The following PCDHA5 variants were observed in gnomAD, a reference collection of about 807,000 sequenced individuals.
PCDHA5 encodes the protein protocadherin alpha 5.
Under a neutral mutation model 61.6 loss-of-function variants are expected in PCDHA5, and 43 were observed. The observed-to-expected ratio is 0.70, with a 90% CI of 0.55 to 0.90. The LOEUF (loss-of-function observed/expected upper bound fraction) is 0.90. Among genes scored for constraint, PCDHA5 ranks in the 40% least tolerant of loss-of-function variants. The pLI is 0.00. For synonymous variants in PCDHA5, 627 were observed against 543.9 expected, an observed-to-expected ratio of 1.15 and a Z score of -2.13; for missense variants, 1,298 against 1,222.7, an observed-to-expected ratio of 1.06 and a Z score of -0.92.
chr5:140,923,964 C>A (rs1410428693), intron 1 of PCDHA5, among the ~76,000 whole-genome samples: 1 of 152,160 alleles, frequency 6.6e-6, no homozygotes, highest in East Asian at 1.9e-4. Context: ...CTAATCTATA[C>A]CCACACATAC....
chr5:140,987,011 C>T (rs1266225593), intron 3 of PCDHA5, among the ~76,000 whole-genome samples: 2 of 152,104 alleles, frequency 1.3e-5, no homozygotes, highest in African/African-American at 4.8e-5. Context: ...GTCATGAGTT[C>T]GAGACCAGCC....
At position 140,892,381 on chromosome 5, in the gene PCDHA5, G is replaced by A. The variant is rs534818455; in HGVS notation, c.2352+68254G>A. Among the ~76,000 whole-genome samples the A allele has an allele frequency of 2.6e-5, 4 of 152,070 alleles. No individual in the cohort carries two copies. The South Asian group carries it at 8.3e-4, about 32-fold the overall frequency. On this transcript the variant is annotated intron_variant, in intron 1 of 3. Coordinates refer to ENST00000529859, the MANE Select transcript of PCDHA5 (RefSeq NM_018908.3). ...GCATCTTGGGGCACTAGCAATCATG[G>A]GTAATCTTAATCTATTTCAAGCTTC...
At chr5:140,831,040 T>C (rs1208803286) in intron 1 of PCDHA5, 1 of 152,248 alleles carries the variant, frequency 6.6e-6, no homozygotes, top group East Asian at 1.9e-4. Context: ...CGGGAGGCAA[T>C]AGTGTTCATT....
chr5:140,911,147 C>T (rs978714342), intron 1 of PCDHA5, among the ~76,000 whole-genome samples: 6 of 152,218 alleles, frequency 3.9e-5, no homozygotes, highest in Non-Finnish European at 8.8e-5. Context: ...GGTTTTTCTC[C>T]TCAGACAAAT....
intron 1 of PCDHA5, 127 bp from the exon 2 acceptor site, chr5:140,978,822 A>G: frequency 6.6e-7 from 1 of 1,521,216 alleles, no homozygotes; most frequent in Non-Finnish European, 8.8e-7. Context: ...GTTACACATG[A>G]AATGGCTCAT....
intron 1 of PCDHA5, among the ~76,000 whole-genome samples, chr5:140,875,128 C>A (rs1554167491): frequency 6.6e-6 from 1 of 152,068 alleles, no homozygotes; most frequent in East Asian, 1.9e-4. Context: ...ATTAACTAAA[C>A]CCGCATTTAT....
chr5:140,848,591 C>A lies in PCDHA5; in HGVS notation c.2352+24464C>A. 1.9e-6 allele frequency: 3 copies of A among 1,594,690 alleles called. 1 individual carries two copies. Among genetic ancestry groups the A allele is most frequent in the Non-Finnish European group, 2.6e-6 (3 of 1,164,772 alleles). On this transcript the variant is annotated intron_variant, in intron 1 of 3. Coordinates refer to ENST00000529859, the MANE Select transcript of PCDHA5 (RefSeq NM_018908.3). ...GGGTGGTGGGGAGCGGCCAGCTCCACTACTCCGTCCCGGAGGAAGCCGAAC... is the reference window on the plus strand; with the variant it reads ...GGGTGGTGGGGAGCGGCCAGCTCCAATACTCCGTCCCGGAGGAAGCCGAAC...
chr5:141,004,880 G>A (rs940142127), intron 3 of PCDHA5, among the ~76,000 whole-genome samples: 2 of 152,172 alleles, frequency 1.3e-5, no homozygotes, highest in Admixed American at 6.5e-5. Context: ...TCCCTAAAGT[G>A]CTATTGTGTC....
At chr5:140,980,358 G>A (rs143597147) in intron 2 of PCDHA5, among the ~76,000 whole-genome samples, 260 of 152,274 alleles carry the variant, frequency 1.7e-3, no homozygotes, top group South Asian at 0.014. Context: ...TGGACTGGGC[G>A]CGGTGGCTCA....
chr5:140,870,237 A>C, intron 1 of PCDHA5: 1 of 1,614,180 alleles, frequency 6.2e-7, no homozygotes, highest in South Asian at 1.1e-5. Flanking sequence ...ACCGTGACTC[A>C]GGTGTCAACG....
rs2150314365 is a variant in PCDHA5 at position 140,841,377 on chromosome 5, T to C, written c.2352+17250T>C. On this transcript the variant is annotated intron_variant, in intron 1 of 3. Transcript: ENST00000529859. ...TCCTGGCGACTACTACTCTTGCTTC[T>C]GCTCCTCGCAGCCTGGAAGGTGGGG... is the stretch of plus-strand genomic sequence containing the variant. 2.2e-5 allele frequency: 35 copies of C among 1,613,546 alleles called. No homozygotes were observed. The South Asian group carries it at 2.3e-4, about 11-fold the overall frequency.
At chr5:140,922,139 C>T (rs2080663133) in intron 1 of PCDHA5, among the ~76,000 whole-genome samples, 1 of 151,854 alleles carries the variant, frequency 6.6e-6, no homozygotes, top group South Asian at 2.1e-4. Flanking sequence ...TCTTATCCTC[C>T]ATGAAACTCA....
intron 1 of PCDHA5, among the ~76,000 whole-genome samples, chr5:140,960,397 G>C (rs1322659184): frequency 6.6e-6 from 1 of 152,102 alleles, no homozygotes; most frequent in African/African-American, 2.4e-5. Flanking sequence ...AGGATGCAAG[G>C]GGGGGTGCCC....
chr5:140,997,995 T>C (rs573319923), intron 3 of PCDHA5, among the ~76,000 whole-genome samples: 1 of 152,304 alleles, frequency 6.6e-6, no homozygotes, highest in East Asian at 1.9e-4. Flanking sequence ...CATACTTCCC[T>C]CTGAGCCTTC....
At chr5:140,959,234 G>A (rs2095475246) in intron 1 of PCDHA5, among the ~76,000 whole-genome samples, 2 of 152,106 alleles carry the variant, frequency 1.3e-5, no homozygotes, top group Admixed American at 6.5e-5. Context: ...AAAATTATCT[G>A]GGCATGATAG....
chr5:140,851,287 C>T, intron 1 of PCDHA5: 1 of 1,037,890 alleles, frequency 9.6e-7, no homozygotes, highest in Non-Finnish European at 1.2e-6. Flanking sequence ...ATAAGAAACC[C>T]AAGCAAAAAT....
At position 140,974,721 on chromosome 5, in the gene PCDHA5, G is replaced by A. The variant is rs1033117636; in HGVS notation, c.2353-4228G>A. 3.9e-5 allele frequency among the ~76,000 whole-genome samples: 6 copies of A among 152,050 alleles called. No homozygotes were observed. In the East Asian group the frequency reaches 1.2e-3, roughly 29 times the overall value. On this transcript the variant is annotated intron_variant, in intron 1 of 3. Transcript: ENST00000529859. ...TCACCATGTTGTTCAAGCTGCTCTCGAACTCCTGTCTCCACCTTGGCCTCC... is the reference window on the plus strand; with the variant it reads ...TCACCATGTTGTTCAAGCTGCTCTCAAACTCCTGTCTCCACCTTGGCCTCC...
intron 1 of PCDHA5, chr5:140,870,913 G>C (rs933995054): frequency 2.5e-6 from 4 of 1,613,936 alleles, no homozygotes; most frequent in Non-Finnish European, 3.4e-6. Context: ...AGGCTACAAC[G>C]CGTGGCTTTC....
intron 1 of PCDHA5, chr5:140,966,920 C>G: frequency 6.2e-7 from 1 of 1,602,674 alleles, no homozygotes; most frequent in Non-Finnish European, 8.5e-7. Flanking sequence ...GCCAGAGGAG[C>G]AGGCACCCGG....
Sources: allele counts gnomAD v4.1 joint callset (sites outside exome capture counted in the v4.1 genomes callset), GRCh38; gene constraint gnomAD v4.1.1; transcripts MANE v1.5; gene names NCBI Gene and HGNC (gene_info 2026-07-23, HGNC 2026-07-21).